The following TICRR variants were observed in gnomAD, a reference collection of about 807,000 sequenced individuals.
TICRR encodes the protein TOPBP1 interacting checkpoint and replication regulator.
TICRR carries 132 observed loss-of-function variants against 178.1 expected under a neutral mutation model. The observed-to-expected ratio is 0.74, with a 90% CI of 0.64 to 0.86. The LOEUF is 0.86. Among genes scored for constraint, TICRR ranks in the 40% least tolerant of loss-of-function variants. TICRR has a pLI of 0.00. For missense variants in TICRR, 2,587 were observed against 2,334.3 expected (o/e 1.11, Z -2.23); for synonymous variants, 991 against 900.7 (o/e 1.10, Z -1.79).
intron 15 of TICRR, among the ~76,000 whole-genome samples, chr15:89,615,360 C>T (rs1010771638): frequency 6.6e-6 from 1 of 152,122 alleles, no homozygotes; most frequent in African/African-American, 2.4e-5. Flanking sequence ...TCTGCCCTGT[C>T]CAGAGGCTGC....
rs564080651 is a variant in TICRR, at chr15:89,585,733, G to T, written c.1202G>T (p.Gly401Val). The T allele has an allele frequency of 8.7e-6, 14 of 1,614,022 alleles. No individual in the cohort carries two copies. The highest frequency in any genetic ancestry group is 1.2e-5 in the Non-Finnish European group (14 of 1,179,976). Reference protein sequence around the residue: ...HLVADVDPGEGRPPITGVISP... With the variant: ...HLVADVDPGEVRPPITGVISP... ...GTTGCTGATGTGGACCCTGGTGAAGGCCGGCCCCCCATCACTGGAGTTATT... is the reference window on the plus strand; with the variant it reads ...GTTGCTGATGTGGACCCTGGTGAAGTCCGGCCCCCCATCACTGGAGTTATT... The change falls in exon 4 of 22, where the codon GGC becomes GTC. Residue 401 changes from glycine (G) to valine (V), a missense_variant. Physicochemically the swap from Gly to Val is moderately radical, Grantham distance 109 (BLOSUM62 -3). Coordinates refer to ENST00000268138, the MANE Select transcript of TICRR (RefSeq NM_152259.4).
intron 5 of TICRR, among the ~76,000 whole-genome samples, chr15:89,593,227 T>G (rs1041614325): frequency 6.6e-6 from 1 of 151,582 alleles, no homozygotes; most frequent in Non-Finnish European, 1.5e-5. Context: ...ATCTTAACAA[T>G]GTTGAGTCAT....
chr15:89,576,081 G>A lies in TICRR; in HGVS notation c.495G>A (p.Arg165=). 2 of 1,612,182 alleles carry A rather than the reference G, an allele frequency of 1.2e-6. No homozygotes were observed. Among genetic ancestry groups the A allele is most frequent in the Non-Finnish European group, 1.7e-6 (2 of 1,179,952 alleles). ...FLLAPCPHSQ[R]ELLQFVSGCE... The stretch of plus-strand genomic sequence containing the variant: ...TGGCCCCCTGTCCGCACTCGCAGAG[G>A]GAGCTGCTGCAGTTCGTGTCTGGGT... The change falls in exon 1 of 22, where the codon AGG becomes AGA. Residue 165 remains arginine (R), a synonymous_variant. Transcript: ENST00000268138.
Position 89,576,017 on chromosome 15 carries a change from A to AGGCCGC in TICRR, c.433_438dup (p.Ala145_Ala146dup). 6.2e-7 allele frequency: 1 copy of AGGCCGC among 1,609,192 alleles called. No homozygotes were observed. Among genetic ancestry groups the AGGCCGC allele is most frequent in the Non-Finnish European group, 8.5e-7 (1 of 1,178,698 alleles). On this transcript the variant is annotated inframe_insertion, in exon 1 of 22. Transcript: ENST00000268138. ...GTGGAGAGCGAGGCCAAGGAGGCCG[A>AGGCCGC]GGCCGCGCTCGGGGGCTTGGTGAAC...
intron 7 of TICRR, among the ~76,000 whole-genome samples, chr15:89,598,260 A>T (rs1462804030): frequency 6.6e-6 from 1 of 152,112 alleles, no homozygotes. Flanking sequence ...GGCGTGAGCC[A>T]CCACACCCGG....
intron 4 of TICRR, among the ~76,000 whole-genome samples, chr15:89,590,713 A>G (rs983202224): frequency 6.6e-6 from 1 of 152,182 alleles, no homozygotes; most frequent in Non-Finnish European, 1.5e-5. Context: ...ACGTATCTCC[A>G]TGACTTCACA....
rs756037547 is a variant in TICRR, at chr15:89,624,594, C to T, written c.4284C>T (p.Ser1428=). The change falls in exon 20 of 22, where the codon AGC becomes AGT. Residue 1428 remains serine (S), a synonymous_variant. Coordinates refer to ENST00000268138, the MANE Select transcript of TICRR (RefSeq NM_152259.4). The stretch of plus-strand genomic sequence containing the variant: ...CTAGAGATGACCAGAAGGGACTGAG[C>T]CTCTCTCCTCAGTCTCCTCCTGAAA... ...TDSRDDQKGL[S]LSPQSPPERR... is the part of the protein sequence containing the mutation. 5 of 1,613,828 alleles carry T rather than the reference C, an allele frequency of 3.1e-6. No homozygotes were observed. In the East Asian group the frequency reaches 6.7e-5, roughly 22 times the overall value.
At chr15:89,598,329 CA>C (rs1301749104) in intron 7 of TICRR, among the ~76,000 whole-genome samples, 1 of 150,912 alleles carries the variant, frequency 6.6e-6, no homozygotes, top group Non-Finnish European at 1.5e-5. Context: ...GTCATATCAC[CA>C]AAGACAGTTT....
At chr15:89,622,009 C>T (rs1462243138) in intron 19 of TICRR, among the ~76,000 whole-genome samples, 2 of 90,484 alleles carry the variant, frequency 2.2e-5, no homozygotes, top group Non-Finnish European at 4.2e-5. Flanking sequence ...TTTTTGGAGA[C>T]AGAGTCTTAC....
chr15:89,604,735 C>T lies in TICRR; in HGVS notation c.2664+1843C>T, dbSNP rs148487092. On this transcript the variant is annotated intron_variant, in intron 13 of 21. Transcript: ENST00000268138. ...GCAATGAACTATGATGAAGCCACTG[C>T]ACTCCAGCCTGGGTTACAGAGAGAG... Among the ~76,000 whole-genome samples the T allele has an allele frequency of 4.7e-3, 684 of 145,316 alleles. 9 individuals are homozygous for T. The highest frequency in any genetic ancestry group is 0.017 in the African/African-American group (654 of 38,990).
At position 89,582,692 on chromosome 15, in the gene TICRR, G is replaced by A. The variant is rs1962748568; in HGVS notation, c.661G>A (p.Glu221Lys). 1.2e-6 allele frequency: 2 copies of A among 1,611,398 alleles called. No homozygotes were observed. Among genetic ancestry groups the A allele is most frequent in the Non-Finnish European group, 1.7e-6 (2 of 1,178,116 alleles). ...GTTTGTCGTTTTATTTTAGTTGTGG[G>A]AATCCCCAGACCACCTTGGATACTG... ...VDTTEWSKLW[E>K]SPDHLGYWTV... The change falls in exon 2 of 22, where the codon GAA becomes AAA. Residue 221 changes from glutamate to lysine, a missense_variant. Coordinates refer to ENST00000268138, the MANE Select transcript of TICRR (RefSeq NM_152259.4).
chr15:89,626,345 G>A (rs1185371664), intron 21 of TICRR, among the ~76,000 whole-genome samples: 1 of 152,240 alleles, frequency 6.6e-6, no homozygotes, highest in Non-Finnish European at 1.5e-5. Context: ...TGCAGTCTAA[G>A]AATCTGAACA....
chr15:89,604,387 T>G (rs1963143620), intron 13 of TICRR, among the ~76,000 whole-genome samples: 2 of 152,252 alleles, frequency 1.3e-5, no homozygotes, highest in South Asian at 2.1e-4. Context: ...GCCAGGCCTT[T>G]ATTCTCACTA....
chr15:89,626,135 C>G (rs532530068), intron 21 of TICRR, 74 bp downstream of exon 21: 202 of 1,571,364 alleles, frequency 1.3e-4, no homozygotes, highest in Non-Finnish European at 1.7e-4. Flanking sequence ...CCAGGCAGCT[C>G]GATTCTAGAG....
At chr15:89,626,871 G>A (rs1963537140) in intron 21 of TICRR, 85 bp from the exon 22 acceptor site, 31 of 1,460,142 alleles carry the variant, frequency 2.1e-5, no homozygotes, top group South Asian at 1.9e-4. Flanking sequence ...CTGTTTTTGT[G>A]TGTAACCCTC....
At chr15:89,576,838 TATATATATATATATATATATATACACAC>T (rs1319025010) in intron 1 of TICRR, among the ~76,000 whole-genome samples, 35 of 138,116 alleles carry the variant, frequency 2.5e-4, no homozygotes, top group Non-Finnish European at 1.2e-4. Context: ...TATATATATA[TATATATATATATATATATATATACACAC>T]ACACACATAT....
At chr15:89,609,147 A>G (rs568797372) in intron 15 of TICRR, among the ~76,000 whole-genome samples, 198 bp downstream of exon 15, 89 of 90,526 alleles carry the variant, frequency 9.8e-4, no homozygotes, top group African/African-American at 4.2e-3. Flanking sequence ...TTCTTGCTCT[A>G]TCACCCAGGT....
Position 89,601,398 on chromosome 15 carries a change from A to G in TICRR, c.2247+7A>G, listed in dbSNP as rs910647728. ...GGAACAAGTAGTGGAGGAGGCAAGT[A>G]TATAGTTTCGTGCCATTGAAATACG... is the stretch of plus-strand genomic sequence containing the variant. On this transcript the variant is annotated splice_region_variant and intron_variant, in intron 10 of 21. Transcript: ENST00000268138. The G allele has an allele frequency of 6.2e-7, 1 of 1,613,960 alleles. No individual in the cohort carries two copies. Among genetic ancestry groups the G allele is most frequent in the Non-Finnish European group, 8.5e-7 (1 of 1,179,810 alleles).
At chr15:89,626,667 C>T (rs977799007) in intron 21 of TICRR, among the ~76,000 whole-genome samples, 14 of 152,074 alleles carry the variant, frequency 9.2e-5, no homozygotes, top group African/African-American at 1.9e-4. Flanking sequence ...AGCATAACCC[C>T]AGAGATCTGA....
Sources: gnomAD v4.1 joint callset for allele counts (sites outside exome capture counted in the v4.1 genomes callset) on GRCh38, gnomAD v4.1.1 for gene constraint, MANE v1.5 for transcripts, NCBI Gene and HGNC (gene_info 2026-07-23, HGNC 2026-07-21) for gene names.